The following SASH1 variants were observed in gnomAD, a reference collection of about 807,000 sequenced individuals.
SASH1 encodes the protein SAM and SH3 domain containing 1.
In SASH1, 44 loss-of-function variants were observed where a neutral mutation model predicts 125.2. The observed-to-expected ratio is 0.35, with a 90% CI of 0.28 to 0.45. The LOEUF is 0.45. Ranked by LOEUF, SASH1 falls within the 20% of genes least tolerant of loss-of-function variation. The pLI is 1.00. For missense variants in SASH1, 1,426 were observed against 1,614.5 expected (o/e 0.88, Z 2.00); for synonymous variants, 639 against 649.1 (o/e 0.98, Z 0.24).
At position 148,474,183 on chromosome 6, in the gene SASH1, C is replaced by G. The variant is rs113395015; in HGVS notation, c.588C>G (p.Val196=). 3.1e-6 allele frequency: 5 copies of G among 1,609,382 alleles called. No homozygotes were observed. Among genetic ancestry groups the G allele is most frequent in the South Asian group, 2.2e-5 (2 of 89,704 alleles). The change falls in exon 7 of 20, where the codon GTC becomes GTG. Residue 196 remains valine, a synonymous_variant. Coordinates refer to ENST00000367467, the MANE Select transcript of SASH1 (RefSeq NM_015278.5). ...AGCGGATTCAGCTAATGATGATGGT[C>G]AAAGAAAAGATGATCACAATTGAGG... ...DEERIQLMMM[V]KEKMITIEEA... is the part of the protein sequence containing the mutation.
At chr6:148,431,441 C>G (rs953992665) in intron 2 of SASH1, among the ~76,000 whole-genome samples, 5 of 152,126 alleles carry the variant, frequency 3.3e-5, no homozygotes, top group African/African-American at 1.2e-4. Flanking sequence ...TCAGATGATC[C>G]ACCCACCTCA....
chr6:148,273,934 T>G (rs1388476935), intron 1 of SASH1, among the ~76,000 whole-genome samples: 3 of 152,228 alleles, frequency 2.0e-5, no homozygotes, highest in Non-Finnish European at 2.9e-5. Context: ...AGAAGGGAAC[T>G]CTAGAAGAAA....
chr6:148,503,411 A>T (rs565200976), intron 8 of SASH1, among the ~76,000 whole-genome samples: 5 of 152,234 alleles, frequency 3.3e-5, no homozygotes, highest in Non-Finnish European at 7.3e-5. Flanking sequence ...ATGTCTAATT[A>T]CGGGGGACCA....
chr6:148,418,707 C>G (rs916567452), intron 2 of SASH1, among the ~76,000 whole-genome samples: 1 of 152,190 alleles, frequency 6.6e-6, no homozygotes, highest in African/African-American at 2.4e-5. Context: ...ATAGCCTGTG[C>G]CCAGGGTACA....
intron 2 of SASH1, among the ~76,000 whole-genome samples, chr6:148,436,649 C>T (rs1409762357): frequency 6.6e-6 from 1 of 152,260 alleles, no homozygotes; most frequent in African/African-American, 2.4e-5. Flanking sequence ...GCCCTAGCAT[C>T]AGCTTCCAGA....
chr6:148,333,564 C>A (rs1469380728), intron 1 of SASH1, among the ~76,000 whole-genome samples: 4 of 151,566 alleles, frequency 2.6e-5, no homozygotes, highest in African/African-American at 9.7e-5. Flanking sequence ...ATATCGTTGT[C>A]GCTGTTGTTG....
At chr6:148,368,454 A>G (rs961126278) in intron 1 of SASH1, among the ~76,000 whole-genome samples, 8 of 152,064 alleles carry the variant, frequency 5.3e-5, no homozygotes, top group Non-Finnish European at 1.0e-4. Context: ...TGTTTTTAGT[A>G]GAGACGGGTT....
At chr6:148,312,594 G>A (rs1176233418) in intron 1 of SASH1, among the ~76,000 whole-genome samples, 1 of 152,214 alleles carries the variant, frequency 6.6e-6, no homozygotes, top group Admixed American at 6.5e-5. Flanking sequence ...AATGACCATA[G>A]ACAAGCTTCT....
intron 7 of SASH1, among the ~76,000 whole-genome samples, chr6:148,482,482 A>T (rs898544635): frequency 1.3e-5 from 2 of 152,056 alleles, no homozygotes; most frequent in Non-Finnish European, 2.9e-5. Context: ...AAGAGCACTT[A>T]ATGTTTGTCA....
intron 1 of SASH1, among the ~76,000 whole-genome samples, chr6:148,331,619 G>A (rs773719280): frequency 2.0e-5 from 3 of 151,434 alleles, no homozygotes; most frequent in Middle Eastern, 3.4e-3. Context: ...GTCAGCCACC[G>A]CACCCAGCCA....
intron 1 of SASH1, among the ~76,000 whole-genome samples, chr6:148,359,324 G>A (rs1393058779): frequency 1.3e-5 from 1 of 74,214 alleles, no homozygotes; most frequent in Non-Finnish European, 2.7e-5. Context: ...GTGCTTGGCC[G>A]GTTTTTTTTT....
Position 148,446,088 on chromosome 6 carries a change from CTTTTTTTTTTTTTTTTTTTTTT to C in SASH1, c.386+5698_386+5719del, listed in dbSNP as rs576798745. On this transcript the variant is annotated intron_variant, in intron 4 of 19. Transcript: ENST00000367467. ...TTGCTATCCTGAACAACATAGGGTT[CTTTTTTTTTTTTTTTTTTTTTT>C]TTTTTTTTTTTTTTTTGAGACGGAG... Among the ~76,000 whole-genome samples the C allele has an allele frequency of 2.1e-4, 15 of 71,010 alleles. 1 individual carries two copies. Among genetic ancestry groups the C allele is most frequent in the East Asian group, 4.4e-4 (1 of 2,284 alleles). 46.6% of individuals were successfully genotyped at this position (71,010 alleles called of 152,430 possible).
At chr6:148,449,095 G>GTTTTTTTTTTT (rs1242784976) in intron 4 of SASH1, among the ~76,000 whole-genome samples, 1 of 19,790 alleles carries the variant, frequency 5.1e-5, no homozygotes. Context: ...TTTTTTTTTG[G>GTTTTTTTTTTT]AGACAGAGTC....
chr6:148,322,898 TTC>T (rs1210511111), intron 1 of SASH1, among the ~76,000 whole-genome samples: 2 of 128,292 alleles, frequency 1.6e-5, no homozygotes, highest in Admixed American at 8.2e-5. Flanking sequence ...TCTTCTTTCT[TTC>T]TCTCTCTTTC....
At chr6:148,432,162 A>G (rs1371615174) in intron 2 of SASH1, among the ~76,000 whole-genome samples, 2 of 152,028 alleles carry the variant, frequency 1.3e-5, no homozygotes, top group Non-Finnish European at 2.9e-5. Context: ...TTTCGTAGAG[A>G]TGGGGTTTCT....
At chr6:148,483,440 A>G (rs1186205142) in intron 7 of SASH1, among the ~76,000 whole-genome samples, 2 of 152,220 alleles carry the variant, frequency 1.3e-5, no homozygotes, top group Non-Finnish European at 2.9e-5. Context: ...GTTTGGGGAA[A>G]GAGACATCCA....
chr6:148,543,954 C>T lies in SASH1; in HGVS notation c.2484C>T (p.Pro828=). The change falls in exon 18 of 20, where the codon CCC becomes CCT. Residue 828 remains proline (P), a synonymous_variant. Transcript: ENST00000367467. The stretch of plus-strand genomic sequence containing the variant: ...GGAGCTGTGAGACCCTGGAGGGCCC[C>T]CAGACTGTGGACACTTGGCCCCGAT... ...ICRSCETLEG[P]QTVDTWPRSH... 1 of 1,614,168 alleles carries T rather than the reference C, an allele frequency of 6.2e-7. No individual in the cohort carries two copies. The highest frequency in any genetic ancestry group is 8.5e-7 in the Non-Finnish European group (1 of 1,180,030).
At chr6:148,314,211 A>G (rs146183627) in intron 1 of SASH1, among the ~76,000 whole-genome samples, 1 of 152,338 alleles carries the variant, frequency 6.6e-6, no homozygotes, top group Non-Finnish European at 1.5e-5. Flanking sequence ...TAAAAGCCAT[A>G]TGGTGAGTGG....
upstream of SASH1, among the ~76,000 whole-genome samples, chr6:148,338,898 G>A (rs188252434): frequency 6.6e-6 from 1 of 151,732 alleles, no homozygotes; most frequent in Admixed American, 6.6e-5. Flanking sequence ...CCAGCTACTT[G>A]GGAGGATGAG....
Sources: allele counts gnomAD v4.1 joint callset (sites outside exome capture counted in the v4.1 genomes callset), GRCh38; gene constraint gnomAD v4.1.1; transcripts MANE v1.5; gene names NCBI Gene and HGNC (gene_info 2026-07-23, HGNC 2026-07-21).